Variants in ADGRB3 observed in about 807,000 individuals in gnomAD.
ADGRB3 encodes the protein adhesion G protein-coupled receptor B3, also known as brain-specific angiogenesis inhibitor 3.
ADGRB3 carries 37 observed loss-of-function variants against 193.4 expected under a neutral mutation model. The observed-to-expected ratio is 0.19, with a 90% CI of 0.15 to 0.25. The LOEUF is 0.25. Among genes scored for constraint, ADGRB3 ranks in the 10% least tolerant of loss-of-function variants. ADGRB3 has a pLI of 1.00. For synonymous variants in ADGRB3, 690 were observed against 644.2 expected, an observed-to-expected ratio of 1.07 and a Z score of -1.08; for missense variants, 1,637 against 1,852.9, an observed-to-expected ratio of 0.88 and a Z score of 2.14.
chr6:68,924,600 G>A (rs1056808435), intron 3 of ADGRB3, among the ~76,000 whole-genome samples: 1 of 151,850 alleles, frequency 6.6e-6, no homozygotes, highest in Non-Finnish European at 1.5e-5. Context: ...AAACATATTA[G>A]CAGTGTGCCC....
chr6:69,207,715 G>A (rs894311685), intron 17 of ADGRB3, among the ~76,000 whole-genome samples: 1 of 152,166 alleles, frequency 6.6e-6, no homozygotes, highest in Non-Finnish European at 1.5e-5. Context: ...TATCTATCCA[G>A]CTGCTTCAAG....
chr6:69,322,499 A>T (rs945023007), intron 20 of ADGRB3, among the ~76,000 whole-genome samples: 1 of 151,734 alleles, frequency 6.6e-6, no homozygotes, highest in Non-Finnish European at 1.5e-5. Flanking sequence ...TTTCTGCACA[A>T]CCTCAGCAGC....
intron 16 of ADGRB3, among the ~76,000 whole-genome samples, chr6:69,075,097 A>G (rs1383186593): frequency 2.0e-5 from 3 of 152,322 alleles, no homozygotes; most frequent in Middle Eastern, 3.4e-3. Flanking sequence ...CATTATTAGG[A>G]AGAGAGCACC....
intron 15 of ADGRB3, among the ~76,000 whole-genome samples, chr6:69,062,215 AC>A: frequency 6.6e-6 from 1 of 152,044 alleles, no homozygotes; most frequent in East Asian, 1.9e-4. Flanking sequence ...ACCTACATAT[AC>A]TAGAAAAAGT....
chr6:69,184,883 A>G (rs1018816908), intron 17 of ADGRB3, among the ~76,000 whole-genome samples: 1 of 152,128 alleles, frequency 6.6e-6, no homozygotes, highest in Non-Finnish European at 1.5e-5. Context: ...CATTTTTTAA[A>G]TGTCTGATTT....
At chr6:69,085,277 T>C (rs1303187761) in intron 17 of ADGRB3, among the ~76,000 whole-genome samples, 1 of 152,150 alleles carries the variant, frequency 6.6e-6, no homozygotes, top group African/African-American at 2.4e-5. Flanking sequence ...ATAGCAAAAC[T>C]TGGAATTCAT....
intron 26 of ADGRB3, among the ~76,000 whole-genome samples, chr6:69,340,499 CA>C (rs1020104044): frequency 6.6e-6 from 1 of 151,830 alleles, no homozygotes; most frequent in Admixed American, 6.6e-5. Context: ...GTGCACATTG[CA>C]AAAAAACACA....
At chr6:68,789,808 G>A (rs1034221974) in intron 3 of ADGRB3, among the ~76,000 whole-genome samples, 1 of 152,066 alleles carries the variant, frequency 6.6e-6, no homozygotes, top group Non-Finnish European at 1.5e-5. Context: ...CATAGATTTG[G>A]TCTTTTCACA....
chr6:68,755,241 A>G (rs1238405827), intron 3 of ADGRB3, among the ~76,000 whole-genome samples: 1 of 152,198 alleles, frequency 6.6e-6, no homozygotes, highest in African/African-American at 2.4e-5. Flanking sequence ...GTTTAAAGAC[A>G]TGAAGGAAGG....
intron 20 of ADGRB3, among the ~76,000 whole-genome samples, chr6:69,265,688 A>G (rs980822671): frequency 1.3e-5 from 2 of 152,010 alleles, no homozygotes; most frequent in African/African-American, 4.8e-5. Context: ...TCCTGAGGTC[A>G]TTGGCTAATT....
intron 13 of ADGRB3, among the ~76,000 whole-genome samples, chr6:69,024,311 G>A (rs1013307258): frequency 2.0e-5 from 3 of 152,128 alleles, no homozygotes; most frequent in African/African-American, 7.2e-5. Context: ...ATAAAGTTCA[G>A]TGTCTTAAGT....
intron 3 of ADGRB3, among the ~76,000 whole-genome samples, chr6:68,726,618 T>A (rs1765678133): frequency 6.6e-6 from 1 of 151,586 alleles, no homozygotes; most frequent in Non-Finnish European, 1.5e-5. Context: ...AGGGCTTGGT[T>A]ATTTCCCTAT....
At chr6:68,813,164 GTT>G (rs1198729028) in intron 3 of ADGRB3, among the ~76,000 whole-genome samples, 5 of 152,072 alleles carry the variant, frequency 3.3e-5, no homozygotes, top group African/African-American at 4.8e-5. Flanking sequence ...GATCTAATGG[GTT>G]TATCAGCGGT....
At chr6:68,895,614 T>A (rs938494744) in intron 3 of ADGRB3, among the ~76,000 whole-genome samples, 2 of 152,018 alleles carry the variant, frequency 1.3e-5, no homozygotes, top group African/African-American at 4.8e-5. Context: ...AAACTTGATA[T>A]TAGTGAGGGA....
rs548762800 is a variant in ADGRB3, at chr6:69,181,121, C to T, written c.2481-52169C>T. Among the ~76,000 whole-genome samples, 159 of 152,264 alleles carry T rather than the reference C, an allele frequency of 1.0e-3. 1 individual carries two copies. The highest frequency in any genetic ancestry group is 3.4e-3 in the African/African-American group (143 of 41,548). On this transcript the variant is annotated intron_variant, in intron 17 of 31. Coordinates refer to ENST00000370598, the MANE Select transcript of ADGRB3 (RefSeq NM_001704.3). ...GCTTCACTCACTTTTATCAACTGGA[C>T]GCCATCACAGGGGCTGTTTGCCTGC...
intron 3 of ADGRB3, among the ~76,000 whole-genome samples, chr6:68,833,881 C>G (rs941452628): frequency 2.7e-5 from 4 of 150,798 alleles, no homozygotes; most frequent in African/African-American, 9.8e-5. Context: ...ATTAAAATGT[C>G]AATTTGTTTG....
At chr6:69,093,150 A>G (rs1028636379) in intron 17 of ADGRB3, among the ~76,000 whole-genome samples, 1 of 151,378 alleles carries the variant, frequency 6.6e-6, no homozygotes, top group African/African-American at 2.4e-5. Flanking sequence ...CTGGAAGCCT[A>G]CGTTCAGGGG....
chr6:68,680,576 G>A lies in ADGRB3; in HGVS notation c.757+41144G>A, dbSNP rs572321008. On this transcript the variant is annotated intron_variant, in intron 3 of 31. Transcript: ENST00000370598. ...ACCCCTTTAATCCCAAAGTCTTTGA[G>A]GCTCCACTCTGAATGGAATAACTAG... 7.2e-5 allele frequency among the ~76,000 whole-genome samples: 11 copies of A among 152,166 alleles called. No homozygotes were observed. The South Asian group carries it at 8.3e-4, about 11-fold the overall frequency.
intron 17 of ADGRB3, among the ~76,000 whole-genome samples, chr6:69,175,298 C>T (rs553784387): frequency 6.6e-6 from 1 of 152,274 alleles, no homozygotes; most frequent in East Asian, 1.9e-4. Flanking sequence ...TTTAACCCAT[C>T]TTGAGTCGAT....
Sources: allele counts gnomAD v4.1 joint callset (sites outside exome capture counted in the v4.1 genomes callset), GRCh38; gene constraint gnomAD v4.1.1; transcripts MANE v1.5; gene names NCBI Gene and HGNC (gene_info 2026-07-23, HGNC 2026-07-21).